The following ZCCHC7 variants were observed in gnomAD, a reference collection of about 807,000 sequenced individuals.
ZCCHC7 encodes the protein zinc finger CCHC domain-containing protein 7.
Under a neutral mutation model 52.0 loss-of-function variants are expected in ZCCHC7, and 35 were observed. The observed-to-expected ratio is 0.67, with a 90% CI of 0.51 to 0.89. The LOEUF (loss-of-function observed/expected upper bound fraction) is 0.89. Ranked by LOEUF, ZCCHC7 falls within the 40% of genes least tolerant of loss-of-function variation. The pLI is 0.00. For synonymous variants in ZCCHC7, 217 were observed against 221.5 expected (o/e 0.98, Z 0.18); for missense variants, 574 against 649.1 (o/e 0.88, Z 1.26).
chr9:37,338,629 T>A (rs1291773009), intron 6 of ZCCHC7, among the ~76,000 whole-genome samples: 2 of 152,170 alleles, frequency 1.3e-5, no homozygotes, highest in African/African-American at 4.8e-5. Flanking sequence ...GAACACTCTT[T>A]AAGAATCTTT....
At chr9:37,145,381 T>A (rs1030994391) in intron 2 of ZCCHC7, among the ~76,000 whole-genome samples, 2 of 151,952 alleles carry the variant, frequency 1.3e-5, no homozygotes, top group Non-Finnish European at 2.9e-5. Context: ...TTTCTAGAAG[T>A]CTACTTCAGA....
chr9:37,191,472 C>T (rs905926983), intron 2 of ZCCHC7, among the ~76,000 whole-genome samples: 5 of 151,376 alleles, frequency 3.3e-5, no homozygotes, highest in Non-Finnish European at 5.9e-5. Context: ...GATTCTTCAC[C>T]CCTACTCTCC....
chr9:37,164,019 A>G (rs1290124290), intron 2 of ZCCHC7, among the ~76,000 whole-genome samples: 2 of 151,626 alleles, frequency 1.3e-5, no homozygotes, highest in South Asian at 2.1e-4. Flanking sequence ...TGATGCCTAT[A>G]CTATACTCTG....
At chr9:37,237,976 C>A (rs1284712320) in intron 2 of ZCCHC7, among the ~76,000 whole-genome samples, 1 of 151,964 alleles carries the variant, frequency 6.6e-6, no homozygotes, top group Non-Finnish European at 1.5e-5. Flanking sequence ...CGTTTCATTA[C>A]CCTTTGAATC....
chr9:37,354,873 T>G lies in ZCCHC7; in HGVS notation c.1198+49T>G. ...GATCACATTTGCAGTAGTTTCTAAA[T>G]TTCTTTGTTTGTACTGTCTTTGCCT... On this transcript the variant is annotated intron_variant, in intron 8 of 8. Transcript: ENST00000336755. The surrounding 1 kb of genome is among the most constrained non-coding windows in gnomAD (Gnocchi z 4.0). 1 of 1,307,934 alleles carries G rather than the reference T, an allele frequency of 7.6e-7. No individual in the cohort carries two copies. The highest frequency in any genetic ancestry group is 1.9e-5 in the Admixed American group (1 of 53,104). The allele number at this position is 1,307,934 out of a possible 1,614,324, so 81.0% of individuals were successfully genotyped here.
chr9:37,146,858 A>C (rs1843458973), intron 2 of ZCCHC7, among the ~76,000 whole-genome samples: 1 of 151,910 alleles, frequency 6.6e-6, no homozygotes, highest in Non-Finnish European at 1.5e-5. Context: ...TCAGATGCTC[A>C]TATAATTTAA....
At chr9:37,280,849 G>A (rs1256016994) in intron 2 of ZCCHC7, among the ~76,000 whole-genome samples, 2 of 151,926 alleles carry the variant, frequency 1.3e-5, no homozygotes, top group African/African-American at 4.8e-5. Context: ...TCTCACTGTA[G>A]CCTTGGCCTC....
chr9:37,130,901 C>CAT (rs1218643653), intron 2 of ZCCHC7, among the ~76,000 whole-genome samples: 6 of 152,002 alleles, frequency 3.9e-5, no homozygotes, highest in African/African-American at 1.2e-4. Flanking sequence ...TGAGATAATT[C>CAT]ATAAGTCTGT....
At chr9:37,334,768 G>T (rs999199203) in intron 6 of ZCCHC7, among the ~76,000 whole-genome samples, 1 of 151,744 alleles carries the variant, frequency 6.6e-6, no homozygotes, top group Non-Finnish European at 1.5e-5. Flanking sequence ...AAGAAATACC[G>T]AAAACAAGTG....
At chr9:37,130,334 CTTTTTTTT>C (rs34589957) in intron 2 of ZCCHC7, among the ~76,000 whole-genome samples, 1 of 63,100 alleles carries the variant, frequency 1.6e-5, no homozygotes, top group Admixed American at 2.6e-4. Flanking sequence ...GAATTCTCTC[CTTTTTTTT>C]TTTTTTTTTT....
intron 2 of ZCCHC7, among the ~76,000 whole-genome samples, chr9:37,185,154 G>A (rs1241113306): frequency 6.6e-6 from 1 of 152,164 alleles, no homozygotes; most frequent in African/African-American, 2.4e-5. Context: ...ACAGTCTCTA[G>A]AGGTCGTGGG....
intron 2 of ZCCHC7, among the ~76,000 whole-genome samples, chr9:37,267,566 CTTTTTTTTT>C (rs983055913): frequency 8.7e-6 from 1 of 115,294 alleles, no homozygotes; most frequent in Non-Finnish European, 1.8e-5. Context: ...CTAATTTTTT[CTTTTTTTTT>C]TTTTTTTTTT....
At chr9:37,324,361 C>T (rs899873590) in intron 5 of ZCCHC7, among the ~76,000 whole-genome samples, 5 of 152,172 alleles carry the variant, frequency 3.3e-5, no homozygotes, top group Non-Finnish European at 2.9e-5. Flanking sequence ...CTAGCAGTGG[C>T]GGTGTTCAGC....
At chr9:37,204,511 G>A (rs569535103) in intron 2 of ZCCHC7, among the ~76,000 whole-genome samples, 4 of 152,132 alleles carry the variant, frequency 2.6e-5, no homozygotes, top group South Asian at 2.1e-4. Flanking sequence ...GTCCAATTTC[G>A]GTTTTCTGTA....
At chr9:37,262,334 A>G (rs1826905584) in intron 2 of ZCCHC7, among the ~76,000 whole-genome samples, 1 of 152,098 alleles carries the variant, frequency 6.6e-6, no homozygotes, top group Non-Finnish European at 1.5e-5. Flanking sequence ...TATAGTTGCT[A>G]GCTATATATT....
intron 2 of ZCCHC7, among the ~76,000 whole-genome samples, chr9:37,143,972 G>A (rs1224457930): frequency 6.6e-6 from 1 of 151,818 alleles, no homozygotes; most frequent in Non-Finnish European, 1.5e-5. Context: ...TATCCTTGGT[G>A]TGTAATAATT....
chr9:37,347,618 G>T (rs1821074842), intron 6 of ZCCHC7, among the ~76,000 whole-genome samples: 11 of 151,988 alleles, frequency 7.2e-5, no homozygotes, highest in Admixed American at 7.2e-4. Flanking sequence ...CTCCTCACTG[G>T]AAGTAACCTG....
chr9:37,273,796 G>A (rs745692516), intron 2 of ZCCHC7, among the ~76,000 whole-genome samples: 4 of 151,918 alleles, frequency 2.6e-5, no homozygotes, highest in Admixed American at 6.6e-5. Flanking sequence ...TTGATTGCCT[G>A]TTCATATTTT....
chr9:37,249,364 A>G (rs1413348711), intron 2 of ZCCHC7, among the ~76,000 whole-genome samples: 2 of 151,708 alleles, frequency 1.3e-5, no homozygotes, highest in African/African-American at 4.8e-5. Context: ...GTTCTCTGTA[A>G]GAGCCAATTC....
Sources: allele counts gnomAD v4.1 joint callset (sites outside exome capture counted in the v4.1 genomes callset), GRCh38; gene constraint gnomAD v4.1.1; non-coding constraint Gnocchi (gnomAD v3.1); transcripts MANE v1.5; gene names NCBI Gene and HGNC (gene_info 2026-07-23, HGNC 2026-07-21).